ASB3: variants seen among roughly 807,000 people sequenced by gnomAD.
The protein encoded by ASB3 is ankyrin repeat and SOCS box protein 3.
Under a neutral mutation model 54.5 loss-of-function variants are expected in ASB3, and 41 were observed. The observed-to-expected ratio is 0.75, with a 90% CI of 0.59 to 0.98. The LOEUF is 0.98. ASB3 is among the 50% of genes least tolerant of loss of function. The pLI is 0.00. For missense variants in ASB3, 733 were observed against 620.0 expected (o/e 1.18, Z -1.94); for synonymous variants, 266 against 221.2 (o/e 1.20, Z -1.80).
At chr2:53,729,194 T>C (rs528547343) in intron 4 of ASB3, among the ~76,000 whole-genome samples, 92 of 152,290 alleles carry the variant, frequency 6.0e-4, no homozygotes, top group African/African-American at 2.2e-3. Flanking sequence ...CTTTATCAAT[T>C]TATATCTCAA....
intron 2 of ASB3, among the ~76,000 whole-genome samples, chr2:53,760,901 T>G (rs183031742): frequency 2.7e-4 from 41 of 152,232 alleles, no homozygotes; most frequent in African/African-American, 9.1e-4. Flanking sequence ...CCAGATGCAG[T>G]CCATGACTAA....
Position 53,703,149 on chromosome 2 carries a change from A to G in ASB3, c.981-2621T>C, listed in dbSNP as rs568635893. On this transcript the variant is annotated intron_variant, in intron 7 of 9. Coordinates refer to ENST00000263634, the MANE Select transcript of ASB3 (RefSeq NM_016115.5). ...TCATATTTGCTCAAACAGTCCTAAA[A>G]CTTCTCAACTTCCCTCTTCCTTTCC... Among the ~76,000 whole-genome samples, 13 of 152,250 alleles carry G rather than the reference A, an allele frequency of 8.5e-5. No homozygotes were observed. The South Asian group carries it at 2.7e-3, about 32-fold the overall frequency.
At chr2:53,705,217 C>A (rs962143705) in intron 7 of ASB3, among the ~76,000 whole-genome samples, 1 of 152,074 alleles carries the variant, frequency 6.6e-6, no homozygotes, top group Non-Finnish European at 1.5e-5. Flanking sequence ...AAAAATATAG[C>A]ATTTTCCAAT....
At chr2:53,749,098 G>A (rs917433351) in intron 3 of ASB3, among the ~76,000 whole-genome samples, 2 of 152,034 alleles carry the variant, frequency 1.3e-5, no homozygotes, top group Non-Finnish European at 1.5e-5. Context: ...CCTTTGTACT[G>A]TTATTGACTA....
At chr2:53,676,912 G>A (rs899225449) in intron 9 of ASB3, among the ~76,000 whole-genome samples, 2 of 152,158 alleles carry the variant, frequency 1.3e-5, no homozygotes, top group African/African-American at 4.8e-5. Flanking sequence ...GGGATTACAG[G>A]CGCCTGCCAC....
Position 53,758,056 on chromosome 2 carries a change from AAGT to A in ASB3, c.197-7118_197-7116del, listed in dbSNP as rs532831479. Among the ~76,000 whole-genome samples, 366 of 152,316 alleles carry A rather than the reference AAGT, an allele frequency of 2.4e-3. 2 individuals carry two copies. The highest frequency in any genetic ancestry group is 7.1e-3 in the Admixed American group (108 of 15,308). The stretch of plus-strand genomic sequence containing the variant: ...GGGAGAGAGAGAAAAAGAGAGATAG[AAGT>A]AGTAAAGAAAAAACAGTGCACCCTA... On this transcript the variant is annotated intron_variant, in intron 2 of 9. Coordinates refer to ENST00000263634, the MANE Select transcript of ASB3 (RefSeq NM_016115.5).
At chr2:53,708,383 G>T (rs186021816) in intron 7 of ASB3, among the ~76,000 whole-genome samples, 29 of 152,310 alleles carry the variant, frequency 1.9e-4, no homozygotes, top group Non-Finnish European at 1.5e-5. Context: ...ACAACCTGTG[G>T]AACTATGGGC....
chr2:53,710,344 G>A (rs184731640), intron 7 of ASB3, among the ~76,000 whole-genome samples: 56 of 152,146 alleles, frequency 3.7e-4, no homozygotes, highest in African/African-American at 1.1e-3. Flanking sequence ...GTATTTTTCC[G>A]TCTTTTTTAT....
chr2:53,775,696 G>C (rs563896388), intron 1 of ASB3, among the ~76,000 whole-genome samples: 2 of 151,990 alleles, frequency 1.3e-5, no homozygotes, highest in African/African-American at 2.4e-5. Flanking sequence ...AGCTGGTCTC[G>C]ATCTCCTGAC....
At chr2:53,761,224 T>C (rs1369446472) in intron 2 of ASB3, among the ~76,000 whole-genome samples, 3 of 152,178 alleles carry the variant, frequency 2.0e-5, no homozygotes, top group Admixed American at 1.3e-4. Flanking sequence ...ACCAATCAGG[T>C]AGTAAAGAGG....
At chr2:53,709,280 C>T (rs1231197953) in intron 7 of ASB3, among the ~76,000 whole-genome samples, 1 of 152,208 alleles carries the variant, frequency 6.6e-6, no homozygotes, top group African/African-American at 2.4e-5. Context: ...GCCACTGTTT[C>T]AGAGGGTACA....
At chr2:53,675,771 G>A (rs1668052910) in intron 9 of ASB3, among the ~76,000 whole-genome samples, 2 of 152,166 alleles carry the variant, frequency 1.3e-5, no homozygotes, top group African/African-American at 4.8e-5. Context: ...CAATGAAAGA[G>A]TTTTTCCAGG....
At chr2:53,711,029 C>A (rs1670066516) in intron 7 of ASB3, among the ~76,000 whole-genome samples, 1 of 152,086 alleles carries the variant, frequency 6.6e-6, no homozygotes, top group Non-Finnish European at 1.5e-5. Context: ...ACTCAAGAGG[C>A]TGAGGCAGGA....
At chr2:53,785,935 A>G (rs1393022279) in intron 1 of ASB3, among the ~76,000 whole-genome samples, 2 of 152,250 alleles carry the variant, frequency 1.3e-5, no homozygotes, top group Non-Finnish European at 2.9e-5. Context: ...ACAATTCTGA[A>G]GAAAGTTATC....
intron 3 of ASB3, among the ~76,000 whole-genome samples, chr2:53,741,988 G>A (rs1466204358): frequency 6.6e-6 from 1 of 152,102 alleles, no homozygotes; most frequent in African/African-American, 2.4e-5. Flanking sequence ...AGCTAGCAAA[G>A]AACACTTCTC....
In ASB3 at chr2:53,670,326, A is replaced by G; in HGVS notation, c.*177T>C. 7.1e-6 allele frequency: 2 copies of G among 281,134 alleles called. No homozygotes were observed. Among genetic ancestry groups the G allele is most frequent in the Non-Finnish European group, 6.2e-6 (1 of 161,996 alleles). The allele number at this position is 281,134 out of a possible 1,614,324, so 17.4% of individuals were successfully genotyped here. A position where few individuals can be genotyped will look rare whatever the true frequency, so the allele number is the denominator to read the frequency against. Reference sequence around the variant, plus strand: ...TTTTTTTTTTTTTTTTTTACTGGGAAGGCTAGTTGTAAACATAAACATTCT... The same window carrying G: ...TTTTTTTTTTTTTTTTTTACTGGGAGGGCTAGTTGTAAACATAAACATTCT... On this transcript the variant is annotated 3_prime_UTR_variant, in exon 10 of 10. Coordinates refer to ENST00000263634, the MANE Select transcript of ASB3 (RefSeq NM_016115.5).
chr2:53,785,201 G>T (rs181718754), intron 1 of ASB3, among the ~76,000 whole-genome samples: 103 of 152,286 alleles, frequency 6.8e-4, no homozygotes, highest in African/African-American at 2.4e-3. Context: ...CATCCTACAG[G>T]TATTGTCTTT....
At chr2:53,766,327 T>A (rs1370946348) in intron 1 of ASB3, among the ~76,000 whole-genome samples, 1 of 152,220 alleles carries the variant, frequency 6.6e-6, no homozygotes, top group Non-Finnish European at 1.5e-5. Context: ...CAGAGTCCAG[T>A]ATAGCTCTCA....
At chr2:53,731,339 T>TTGCACTGCACTCCACCTGGGTTGC (rs1219121036) in intron 3 of ASB3, among the ~76,000 whole-genome samples, 2 of 151,798 alleles carry the variant, frequency 1.3e-5, no homozygotes, top group African/African-American at 4.8e-5. Context: ...GAGGTGGAGG[T>TTGCACTGCACTCCACCTGGGTTGC]TGCACTGCAC....
Sources: gnomAD v4.1 joint callset for allele counts (sites outside exome capture counted in the v4.1 genomes callset) on GRCh38, gnomAD v4.1.1 for gene constraint, MANE v1.5 for transcripts, NCBI Gene and HGNC (gene_info 2026-07-23, HGNC 2026-07-21) for gene names.